The following LHFPL1 variants were observed in gnomAD, a reference collection of about 807,000 sequenced individuals.
LHFPL1 encodes LHFPL tetraspan subfamily member 1.
In LHFPL1, 4 loss-of-function variants were observed where a neutral mutation model predicts 12.1. That is an observed-to-expected ratio of 0.33 (90% CI 0.16 to 0.76). LHFPL1 has a LOEUF of 0.76. Ranked by LOEUF, LHFPL1 falls within the 30% of genes least tolerant of loss-of-function variation. The pLI, the probability that LHFPL1 is intolerant of heterozygous loss-of-function variation, is 0.61. For synonymous variants in LHFPL1, 52 were observed against 61.9 expected, an observed-to-expected ratio of 0.84 and a Z score of 0.75; for missense variants, 141 against 174.1, an observed-to-expected ratio of 0.81 and a Z score of 1.07.
chrX:112,655,873 A>G (rs1054219592), intron 3 of LHFPL1, among the ~76,000 whole-genome samples: 2 of 111,937 alleles, frequency 1.8e-5, no homozygotes, highest in South Asian at 3.7e-4. Context: ...TCAGCCCAGA[A>G]CTACTCATTT....
At chrX:112,667,097 C>T (rs772705340) in intron 2 of LHFPL1, among the ~76,000 whole-genome samples, 3 of 111,684 alleles carry the variant, frequency 2.7e-5, no homozygotes, top group Non-Finnish European at 5.6e-5. Context: ...GAAGGACTTT[C>T]CAGGAAAAAA....
intron 3 of LHFPL1, among the ~76,000 whole-genome samples, chrX:112,660,042 T>C (rs193293612): frequency 4.7e-4 from 53 of 112,400 alleles, no homozygotes; most frequent in African/African-American, 1.7e-3. Flanking sequence ...GGAATATTTC[T>C]GAAGTCTTCC....
intron 3 of LHFPL1, among the ~76,000 whole-genome samples, chrX:112,659,701 T>C (rs979321017): frequency 2.7e-5 from 3 of 112,063 alleles, no homozygotes; most frequent in African/African-American, 9.7e-5. Context: ...CTTCAACACC[T>C]GCCCCAAGTA....
chrX:112,673,869 T>C (rs1931579933), intron 1 of LHFPL1, among the ~76,000 whole-genome samples: 1 of 111,818 alleles, frequency 8.9e-6, no homozygotes, highest in South Asian at 3.8e-4. Context: ...GAAACCCAAT[T>C]TCTCCAGACA....
chrX:112,646,362 G>C (rs113716830), intron 3 of LHFPL1, among the ~76,000 whole-genome samples: 1 of 84,775 alleles, frequency 1.2e-5, no homozygotes, highest in African/African-American at 4.4e-5. Context: ...GGGAGGGGGG[G>C]TGCGGGGGCT....
At chrX:112,642,090 C>T (rs182228607) in intron 3 of LHFPL1, among the ~76,000 whole-genome samples, 124 of 109,958 alleles carry the variant, frequency 1.1e-3, no homozygotes, top group African/African-American at 3.9e-3. Flanking sequence ...ACTCTAGCCT[C>T]GCCAGGGAAT....
chrX:112,632,875 GT>G (rs201766298), intron 3 of LHFPL1, among the ~76,000 whole-genome samples: 1,430 of 110,959 alleles, frequency 0.013, 37 homozygotes, highest in African/African-American at 0.045. Context: ...CTACCACCAA[GT>G]CATGTCTCAT....
intron 3 of LHFPL1, among the ~76,000 whole-genome samples, chrX:112,643,621 C>T (rs1482655453): frequency 9.0e-6 from 1 of 111,122 alleles, no homozygotes; most frequent in Non-Finnish European, 1.9e-5. Context: ...TTATCTCCAC[C>T]TAGTCCTGCC....
At chrX:112,675,313 G>A (rs73536914) in intron 1 of LHFPL1, among the ~76,000 whole-genome samples, 25,669 of 110,155 alleles carry the variant, frequency 0.23, 4,752 homozygotes, top group African/African-American at 0.63. Context: ...CAGTAGGAGG[G>A]GCAGAGAACT....
intron 3 of LHFPL1, among the ~76,000 whole-genome samples, chrX:112,633,257 T>A (rs1173526321): frequency 8.9e-6 from 1 of 112,096 alleles, no homozygotes; most frequent in African/African-American, 3.2e-5. Context: ...ACTTCAAAGC[T>A]GAGGACATTG....
chrX:112,650,492 A>G (rs898089535), intron 3 of LHFPL1, among the ~76,000 whole-genome samples: 1 of 111,810 alleles, frequency 8.9e-6, no homozygotes, highest in African/African-American at 3.2e-5. Context: ...ACTGACTGCA[A>G]TGGTCACTTC....
At chrX:112,632,926 C>T (rs749852477) in intron 3 of LHFPL1, among the ~76,000 whole-genome samples, 12 of 111,382 alleles carry the variant, frequency 1.1e-4, no homozygotes, top group African/African-American at 3.9e-4. Context: ...TCCTCTTATT[C>T]ACCAATTTAT....
At chrX:112,661,276 C>A (rs141303902) in intron 2 of LHFPL1, among the ~76,000 whole-genome samples, 1,803 of 111,185 alleles carry the variant, frequency 0.016, 31 homozygotes, top group African/African-American at 0.056. Flanking sequence ...ATATGCCTTA[C>A]ACCATGACGC....
At chrX:112,661,401 G>A (rs954508739) in intron 2 of LHFPL1, among the ~76,000 whole-genome samples, 1 of 111,310 alleles carries the variant, frequency 9.0e-6, no homozygotes, top group African/African-American at 3.3e-5. Context: ...TACAAATCTG[G>A]GTCTGCTTGC....
rs112702769 is a variant in LHFPL1, at chrX:112,671,692, A to C, written c.-14-288T>G. On this transcript the variant is annotated intron_variant, in intron 1 of 3. Transcript: ENST00000371968. ...TAACTGAATTAGGGTCTGCTCTGCC[A>C]ATTCAAATACAGCCGGATCAGACAG... Among the ~76,000 whole-genome samples the C allele has an allele frequency of 1.1e-3, 125 of 112,207 alleles. 1 individual carries two copies. The highest frequency in any genetic ancestry group is 3.9e-3 in the African/African-American group (119 of 30,851).
intron 3 of LHFPL1, among the ~76,000 whole-genome samples, chrX:112,637,697 A>G (rs1930384832): frequency 8.9e-6 from 1 of 112,477 alleles, no homozygotes; most frequent in Admixed American, 9.4e-5. Flanking sequence ...TCAGAGAATC[A>G]TCTGATGAAA....
chrX:112,660,571 C>G, intron 3 of LHFPL1, 56 bp downstream of exon 3: 1 of 1,008,247 alleles, frequency 9.9e-7, no homozygotes, highest in Middle Eastern at 2.6e-4. Flanking sequence ...TGGTAAAGCA[C>G]TTTGGAAAAC....
chrX:112,660,005 C>T (rs1351342582), intron 3 of LHFPL1, among the ~76,000 whole-genome samples: 1 of 111,999 alleles, frequency 8.9e-6, no homozygotes, highest in African/African-American at 3.2e-5. Context: ...ATTCCCTCTC[C>T]TACTCTCTTT....
chrX:112,673,787 C>T (rs1931577703), intron 1 of LHFPL1, among the ~76,000 whole-genome samples: 1 of 111,792 alleles, frequency 8.9e-6, no homozygotes, highest in Non-Finnish European at 1.9e-5. Context: ...TACAGTATTA[C>T]CCCAAAAGTA....
Sources: gnomAD v4.1 joint callset for allele counts (sites outside exome capture counted in the v4.1 genomes callset) on GRCh38, gnomAD v4.1.1 for gene constraint, MANE v1.5 for transcripts, NCBI Gene and HGNC (gene_info 2026-07-23, HGNC 2026-07-21) for gene names.